Variants in RANBP2 observed in about 807,000 individuals in gnomAD.
The protein encoded by RANBP2 is RAN binding protein 2.
Under a neutral mutation model 303.6 loss-of-function variants are expected in RANBP2, and 57 were observed. The observed-to-expected ratio is 0.19, with a 90% CI of 0.15 to 0.23. The LOEUF (loss-of-function observed/expected upper bound fraction) is 0.23. RANBP2 is among the 10% of genes least tolerant of loss of function. The probability of loss-of-function intolerance (pLI) is 1.00; values close to 1 mark genes in which losing one functional copy is unlikely to be tolerated. For synonymous variants in RANBP2, 1,167 were observed against 1,301.5 expected, an observed-to-expected ratio of 0.90 and a Z score of 2.23; for missense variants, 3,138 against 3,780.8, an observed-to-expected ratio of 0.83 and a Z score of 4.46.
the RANBP2 span, among the ~76,000 whole-genome samples, chr2:109,356,628 G>A: frequency 6.6e-6 from 1 of 152,284 alleles, no homozygotes; most frequent in Admixed American, 6.5e-5. Context: ...CTTAGGAGAT[G>A]CTTGAATATA....
chr2:109,426,880 C>T, the RANBP2 span, among the ~76,000 whole-genome samples: 1 of 152,138 alleles, frequency 6.6e-6, no homozygotes, highest in Non-Finnish European at 1.5e-5. Flanking sequence ...AGCAACTATT[C>T]ACATCAAGAC....
the RANBP2 span, among the ~76,000 whole-genome samples, chr2:108,959,457 G>A: frequency 1.4e-4 from 21 of 152,168 alleles, 2 homozygotes; most frequent in Admixed American, 1.2e-3. Context: ...GGTCCTCCTG[G>A]GTCTTTCATG....
chr2:109,663,839 T>C, the RANBP2 span, among the ~76,000 whole-genome samples: 2 of 152,178 alleles, frequency 1.3e-5, no homozygotes, highest in Non-Finnish European at 2.9e-5. Flanking sequence ...AGAACAGACG[T>C]GTCTAGGAGT....
the RANBP2 span, among the ~76,000 whole-genome samples, chr2:109,226,712 G>T: frequency 6.6e-6 from 1 of 152,176 alleles, no homozygotes. Flanking sequence ...GTCTTTGCAG[G>T]ATCTCCACGC....
the RANBP2 span, among the ~76,000 whole-genome samples, chr2:109,446,965 T>C: frequency 6.6e-6 from 1 of 151,550 alleles, no homozygotes; most frequent in African/African-American, 2.4e-5. Context: ...GTCAGACAGC[T>C]GAGGGGAGAG....
At chr2:109,416,575 G>A in the RANBP2 span, among the ~76,000 whole-genome samples, 1 of 151,436 alleles carries the variant, frequency 6.6e-6, no homozygotes, top group African/African-American at 2.4e-5. Flanking sequence ...AGTAGAGACG[G>A]GGTTTCACCA....
At chr2:109,398,474 C>T in the RANBP2 span, 211 of 932,976 alleles carry the variant, frequency 2.3e-4, no homozygotes, top group Admixed American at 4.0e-4. Context: ...TGCAGTCTGA[C>T]GGATTTGAAT....
intron 12 of RANBP2, among the ~76,000 whole-genome samples, chr2:108,752,788 G>C (rs563005039): frequency 6.6e-6 from 1 of 150,828 alleles, no homozygotes; most frequent in South Asian, 2.1e-4. Flanking sequence ...GCAAGACTCT[G>C]TCTCAAAAAA....
the RANBP2 span, among the ~76,000 whole-genome samples, chr2:108,848,846 A>G: frequency 3.0e-4 from 46 of 152,328 alleles, no homozygotes; most frequent in Middle Eastern, 3.4e-3. Flanking sequence ...ACTTCATATT[A>G]TGTATTGAAT....
At chr2:108,775,996 T>C in intron 24 of RANBP2, 60 bp downstream of exon 24, 2 of 1,463,254 alleles carry the variant, frequency 1.4e-6, no homozygotes, top group Non-Finnish European at 9.3e-7. Flanking sequence ...TTTGAGAAGA[T>C]AGACTTTTAA....
chr2:108,890,086 T>C, the RANBP2 span, among the ~76,000 whole-genome samples: 1 of 151,862 alleles, frequency 6.6e-6, no homozygotes, highest in African/African-American at 2.4e-5. Flanking sequence ...TTCTCTTTCA[T>C]TTATGAAGGA....
the RANBP2 span, among the ~76,000 whole-genome samples, chr2:109,430,109 C>A: frequency 6.6e-6 from 1 of 152,166 alleles, no homozygotes; most frequent in Non-Finnish European, 1.5e-5. Flanking sequence ...GCTGATGAGC[C>A]CCCCACTCCA....
chr2:109,318,920 A>G, the RANBP2 span, among the ~76,000 whole-genome samples: 2 of 152,250 alleles, frequency 1.3e-5, no homozygotes. Context: ...AGTGAATTCA[A>G]TATGTAATGA....
intron 2 of RANBP2, among the ~76,000 whole-genome samples, chr2:108,729,840 G>T (rs1004335076): frequency 6.6e-6 from 1 of 151,838 alleles, no homozygotes; most frequent in Non-Finnish European, 1.5e-5. Context: ...CCACCTCAGC[G>T]CCCCAAGTAG....
the RANBP2 span, among the ~76,000 whole-genome samples, chr2:109,353,154 G>T: frequency 1.3e-5 from 2 of 152,288 alleles, no homozygotes; most frequent in African/African-American, 4.8e-5. Flanking sequence ...TGCCCACAAG[G>T]CCCCACCTCA....
At chr2:108,901,958 G>T in the RANBP2 span, among the ~76,000 whole-genome samples, 1 of 151,902 alleles carries the variant, frequency 6.6e-6, no homozygotes, top group African/African-American at 2.4e-5. Flanking sequence ...CAAAAATTAG[G>T]GCTGGGCATG....
intron 9 of RANBP2, 53 bp from the exon 10 acceptor site, chr2:108,751,211 T>C (rs1675852982): frequency 6.2e-7 from 1 of 1,611,812 alleles, no homozygotes; most frequent in Non-Finnish European, 8.5e-7. Context: ...GCAAAACTAA[T>C]GGCACAAGGA....
the RANBP2 span, among the ~76,000 whole-genome samples, chr2:109,701,219 C>T: frequency 2.0e-5 from 3 of 152,054 alleles, no homozygotes; most frequent in Admixed American, 6.6e-5. Context: ...AAAGGCAAGT[C>T]GGAAAAAAAC....
At chr2:109,733,430 A>G in the RANBP2 span, among the ~76,000 whole-genome samples, 3 of 145,688 alleles carry the variant, frequency 2.1e-5, no homozygotes, top group East Asian at 6.4e-4. Flanking sequence ...ATTTCTCAAC[A>G]TGATAGAGTG....
Sources: gnomAD v4.1 joint callset for allele counts (sites outside exome capture counted in the v4.1 genomes callset) on GRCh38, gnomAD v4.1.1 for gene constraint, MANE v1.5 for transcripts, NCBI Gene and HGNC (gene_info 2026-07-23, HGNC 2026-07-21) for gene names.